The following ARHGAP10 variants were observed in gnomAD, a reference collection of about 807,000 sequenced individuals.
ARHGAP10 encodes rho GTPase-activating protein 10.
In ARHGAP10, 87 loss-of-function variants were observed where a neutral mutation model predicts 108.6. That is an observed-to-expected ratio of 0.80 (90% confidence interval 0.67 to 0.96). The LOEUF is 0.96. Among genes scored for constraint, ARHGAP10 ranks in the 40% least tolerant of loss-of-function variants. ARHGAP10 has a pLI of 0.00. For synonymous variants in ARHGAP10, 347 were observed against 341.1 expected (o/e 1.02, Z -0.19); for missense variants, 939 against 954.5 (o/e 0.98, Z 0.21).
In ARHGAP10 at chr4:147,911,556, G is replaced by A. The variant is rs985966846; in HGVS notation, c.1163-1518G>A. ...TTATTGTATTTTTAGTAGAGACGGGGTTTCACCGTGTTAGCCAGGATGGTC... is the reference window on the plus strand; with the variant it reads ...TTATTGTATTTTTAGTAGAGACGGGATTTCACCGTGTTAGCCAGGATGGTC... On this transcript the variant is annotated intron_variant, in intron 12 of 22. Coordinates refer to ENST00000336498, the MANE Select transcript of ARHGAP10 (RefSeq NM_024605.4). Among the ~76,000 whole-genome samples, 3 of 152,126 alleles carry A rather than the reference G, an allele frequency of 2.0e-5. No homozygotes were observed. The South Asian group carries it at 6.2e-4, about 31-fold the overall frequency.
intron 1 of ARHGAP10, among the ~76,000 whole-genome samples, chr4:147,734,060 G>A (rs1176474469): frequency 6.6e-6 from 1 of 152,036 alleles, no homozygotes; most frequent in Non-Finnish European, 1.5e-5. Context: ...GTTGGGAGCG[G>A]GGGTGCAGAG....
At chr4:147,946,535 A>T in intron 14 of ARHGAP10, 82 bp from the exon 15 acceptor site, 1 of 1,190,686 alleles carries the variant, frequency 8.4e-7, no homozygotes, top group Non-Finnish European at 1.2e-6. Flanking sequence ...CCCATTTAAA[A>T]ATGGAAGCTT....
chr4:147,945,127 T>G (rs1171385168), intron 14 of ARHGAP10, among the ~76,000 whole-genome samples: 1 of 152,158 alleles, frequency 6.6e-6, no homozygotes, highest in Non-Finnish European at 1.5e-5. Context: ...CCATGCTGCA[T>G]TCCTCCCTGC....
chr4:147,962,369 A>G (rs1739033619), intron 16 of ARHGAP10, among the ~76,000 whole-genome samples: 1 of 152,238 alleles, frequency 6.6e-6, no homozygotes, highest in Non-Finnish European at 1.5e-5. Context: ...GAGTGCCCAC[A>G]TGTGCCAGCC....
chr4:147,879,420 T>C (rs372366928), intron 9 of ARHGAP10, 82 bp downstream of exon 9: 1 of 1,195,464 alleles, frequency 8.4e-7, no homozygotes, highest in African/African-American at 1.5e-5. Flanking sequence ...GTTTATATTT[T>C]AATGGTTTAT....
chr4:147,804,947 C>A lies in ARHGAP10; in HGVS notation c.155-17780C>A, dbSNP rs553062938. On this transcript the variant is annotated intron_variant, in intron 1 of 22. Transcript: ENST00000336498. Reference sequence around the variant, plus strand: ...TGTCTGTTTACTCTGTTGATAGTTTCTTTTTGCTGTGCAGAGGCTCTTTTG... The same window carrying A: ...TGTCTGTTTACTCTGTTGATAGTTTATTTTTGCTGTGCAGAGGCTCTTTTG... 7.9e-5 allele frequency among the ~76,000 whole-genome samples: 12 copies of A among 152,156 alleles called. No homozygotes were observed. In the East Asian group the frequency reaches 2.3e-3, roughly 29 times the overall value.
intron 1 of ARHGAP10, among the ~76,000 whole-genome samples, chr4:147,758,479 C>T (rs952418691): frequency 3.3e-5 from 5 of 152,072 alleles, no homozygotes; most frequent in African/African-American, 9.7e-5. Flanking sequence ...TTCATCACCC[C>T]AGAAAGAAAG....
chr4:147,902,230 T>C (rs1405937816), intron 10 of ARHGAP10, among the ~76,000 whole-genome samples: 1 of 152,214 alleles, frequency 6.6e-6, no homozygotes, highest in Non-Finnish European at 1.5e-5. Flanking sequence ...TCTTCTAATA[T>C]GTTTTTGCAT....
chr4:147,955,215 A>T, intron 15 of ARHGAP10, 101 bp from the exon 16 acceptor site: 1 of 1,129,304 alleles, frequency 8.9e-7, no homozygotes, highest in Non-Finnish European at 1.3e-6. Flanking sequence ...TTTACACATT[A>T]ATTAAGAAAT....
chr4:148,025,179 G>A (rs1448009319), intron 19 of ARHGAP10, among the ~76,000 whole-genome samples: 1 of 152,162 alleles, frequency 6.6e-6, no homozygotes, highest in East Asian at 1.9e-4. Flanking sequence ...TACAATCACA[G>A]CCTTCCTAAC....
At chr4:148,052,392 CTTTTTTTT>C (rs35449374) in intron 20 of ARHGAP10, among the ~76,000 whole-genome samples, 1 of 90,686 alleles carries the variant, frequency 1.1e-5, no homozygotes, top group African/African-American at 4.4e-5. Flanking sequence ...TGCACATTTG[CTTTTTTTT>C]TTTTTTTTTT....
intron 18 of ARHGAP10, among the ~76,000 whole-genome samples, chr4:148,005,386 C>A (rs905140114): frequency 2.0e-5 from 3 of 151,980 alleles, no homozygotes; most frequent in Admixed American, 2.0e-4. Context: ...GAGTTTGAGA[C>A]CACCCTGGGC....
chr4:148,032,606 T>C (rs1028781546), intron 19 of ARHGAP10, among the ~76,000 whole-genome samples: 1 of 152,088 alleles, frequency 6.6e-6, no homozygotes, highest in African/African-American at 2.4e-5. Flanking sequence ...AGAGATAGAA[T>C]GAATAAGATA....
At chr4:147,910,181 T>C (rs1230482635) in intron 12 of ARHGAP10, among the ~76,000 whole-genome samples, 1 of 152,038 alleles carries the variant, frequency 6.6e-6, no homozygotes, top group Non-Finnish European at 1.5e-5. Context: ...CCAATTGTTT[T>C]TATTTTTAAT....
intron 19 of ARHGAP10, among the ~76,000 whole-genome samples, chr4:148,029,923 G>A (rs374783712): frequency 2.5e-4 from 38 of 152,156 alleles, no homozygotes; most frequent in African/African-American, 7.7e-4. Context: ...GAGTTGTGGC[G>A]TGCCTAGAAA....
At chr4:147,950,172 T>C (rs1001144228) in intron 15 of ARHGAP10, among the ~76,000 whole-genome samples, 4 of 152,240 alleles carry the variant, frequency 2.6e-5, no homozygotes, top group African/African-American at 9.6e-5. Context: ...GCAGATGCCT[T>C]GGGAGATTTG....
intron 18 of ARHGAP10, among the ~76,000 whole-genome samples, chr4:147,979,788 G>A (rs528890708): frequency 6.6e-6 from 1 of 152,210 alleles, no homozygotes; most frequent in Admixed American, 6.5e-5. Context: ...TTGTGTAGGT[G>A]TGTGGCTATT....
chr4:148,028,703 G>C (rs187092902), intron 19 of ARHGAP10, among the ~76,000 whole-genome samples: 2 of 152,326 alleles, frequency 1.3e-5, no homozygotes, highest in East Asian at 3.9e-4. Context: ...TAATCTGCCA[G>C]TAGAAATCTG....
intron 1 of ARHGAP10, among the ~76,000 whole-genome samples, chr4:147,770,295 T>C (rs887755143): frequency 3.9e-5 from 6 of 152,284 alleles, no homozygotes; most frequent in Non-Finnish European, 7.4e-5. Flanking sequence ...CCCAGCACTT[T>C]GGGAGGATCA....
Sources: allele counts gnomAD v4.1 joint callset (sites outside exome capture counted in the v4.1 genomes callset), GRCh38; gene constraint gnomAD v4.1.1; transcripts MANE v1.5; gene names NCBI Gene and HGNC (gene_info 2026-07-23, HGNC 2026-07-21).